Variants in GCA observed in about 807,000 individuals in gnomAD.
GCA encodes the protein grancalcin, EF-hand calcium-binding protein.
Under a neutral mutation model 32.6 loss-of-function variants are expected in GCA, and 30 were observed. That is an observed-to-expected ratio of 0.92 (90% CI 0.69 to 1.25). The LOEUF (loss-of-function observed/expected upper bound fraction) is 1.25, where lower values mean the gene tolerates loss of function less well. GCA is among the 50% of genes most tolerant of loss of function. GCA has a pLI of 0.00. For missense variants in GCA, 291 were observed against 266.8 expected (o/e 1.09, Z -0.63); for synonymous variants, 102 against 84.6 (o/e 1.21, Z -1.13).
intron 5 of GCA, among the ~76,000 whole-genome samples, chr2:162,357,578 T>A (rs1004968149): frequency 6.6e-6 from 1 of 151,802 alleles, no homozygotes; most frequent in Non-Finnish European, 1.5e-5. Context: ...GAAGTTAAAA[T>A]CTGAACCCAA....
chr2:162,357,975 T>A (rs184369456), intron 5 of GCA, among the ~76,000 whole-genome samples: 1 of 151,832 alleles, frequency 6.6e-6, no homozygotes, highest in East Asian at 1.9e-4. Flanking sequence ...CTCTCTAATA[T>A]GAAGTTCAAA....
At chr2:162,370,828 A>G (rs1685907095) in intron 4 of GCA, among the ~76,000 whole-genome samples, 1 of 152,014 alleles carries the variant, frequency 6.6e-6, no homozygotes, top group South Asian at 2.1e-4. Context: ...CAGTGGTGTG[A>G]TCAAGGCCTG....
chr2:162,356,987 A>G, intron 5 of GCA, 82 bp downstream of exon 5: 2 of 990,252 alleles, frequency 2.0e-6, no homozygotes, highest in South Asian at 3.8e-5. Context: ...TCAATTTACT[A>G]ACTAATAAAG....
rs543908859 is a variant in GCA at position 162,362,915 on chromosome 2, T to G, written c.*2672T>G. 2.3e-4 allele frequency among the ~76,000 whole-genome samples: 35 copies of G among 151,448 alleles called. No homozygotes were observed. Among genetic ancestry groups the G allele is most frequent in the Non-Finnish European group, 4.7e-4 (32 of 67,494 alleles). On this transcript the variant is annotated 3_prime_UTR_variant, in exon 8 of 8. Coordinates refer to ENST00000437150, the MANE Select transcript of GCA (RefSeq NM_012198.5). ...ATCCAGAAAAAAGTAACAAAAAATG[T>G]AGTCAAGTTATGTTTATTTCCAAAA... is the stretch of plus-strand genomic sequence containing the variant.
chr2:162,327,230 CA>C (rs35274524), intron 1 of GCA, among the ~76,000 whole-genome samples: 2 of 151,940 alleles, frequency 1.3e-5, no homozygotes, highest in Non-Finnish European at 2.9e-5. Flanking sequence ...AGTTTGGGAC[CA>C]AAAAGGTATG....
At chr2:162,365,160 C>A (rs1685711768), downstream of GCA, among the ~76,000 whole-genome samples, 2 of 151,538 alleles carry the variant, frequency 1.3e-5, no homozygotes, top group South Asian at 2.1e-4. Flanking sequence ...GATTTACTTT[C>A]TTTTTCCCCA....
intron 1 of GCA, among the ~76,000 whole-genome samples, chr2:162,338,677 G>A (rs929330558): frequency 3.9e-5 from 6 of 152,070 alleles, no homozygotes; most frequent in Admixed American, 3.3e-4. Context: ...TCATAAGCAC[G>A]CAACTTGGAT....
At position 162,362,202 on chromosome 2, in the gene GCA, G is replaced by C; in HGVS notation, c.*1959G>C. On this transcript the variant is annotated 3_prime_UTR_variant, in exon 8 of 8. Transcript: ENST00000437150. ...TGAAACCCCAAGGTTAATAAAATCAGTCATGTTTAATTTTATTTGACCCAG... is the reference window on the plus strand; with the variant it reads ...TGAAACCCCAAGGTTAATAAAATCACTCATGTTTAATTTTATTTGACCCAG... 2.0e-6 allele frequency: 2 copies of C among 983,746 alleles called. No individual in the cohort carries two copies. Among genetic ancestry groups the C allele is most frequent in the South Asian group, 9.4e-5 (2 of 21,272 alleles). 60.9% of individuals were successfully genotyped at this position (983,746 alleles called of 1,614,324 possible). A position where few individuals can be genotyped will look rare whatever the true frequency, so the allele number is the denominator to read the frequency against.
intron 2 of GCA, among the ~76,000 whole-genome samples, chr2:162,349,437 A>G (rs1468251919): frequency 1.3e-5 from 2 of 151,802 alleles, no homozygotes; most frequent in Non-Finnish European, 2.9e-5. Context: ...GTTTTTGTCT[A>G]CAAAACTTCT....
chr2:162,372,211 T>C, downstream of GCA: 1 of 833,658 alleles, frequency 1.2e-6, no homozygotes, highest in Admixed American at 2.8e-5. Flanking sequence ...ATTTGATTAG[T>C]GATATTAGCC....
chr2:162,356,997 G>T, intron 5 of GCA, 92 bp downstream of exon 5: 1 of 894,180 alleles, frequency 1.1e-6, no homozygotes, highest in East Asian at 2.5e-5. Flanking sequence ...AACTAATAAA[G>T]GGATGTATTT....
downstream of GCA, among the ~76,000 whole-genome samples, chr2:162,367,162 T>C (rs1280428015): frequency 6.6e-6 from 1 of 151,896 alleles, no homozygotes; most frequent in African/African-American, 2.4e-5. Context: ...ACTCTGGGTT[T>C]GTCCCAAGAA....
At chr2:162,319,843 A>G (rs970320544) in intron 1 of GCA, among the ~76,000 whole-genome samples, 1 of 152,264 alleles carries the variant, frequency 6.6e-6, no homozygotes, top group African/African-American at 2.4e-5. Context: ...AGTACATTCA[A>G]TAAAGTCTGT....
chr2:162,348,111 C>T (rs573754637), intron 2 of GCA, among the ~76,000 whole-genome samples: 14 of 152,226 alleles, frequency 9.2e-5, no homozygotes, highest in Non-Finnish European at 1.8e-4. Context: ...TATAATTTTT[C>T]TGTCACTTAA....
chr2:162,335,240 C>T (rs1031978494), intron 1 of GCA, among the ~76,000 whole-genome samples: 7 of 152,026 alleles, frequency 4.6e-5, no homozygotes, highest in Admixed American at 1.3e-4. Flanking sequence ...AGTGAAACCT[C>T]GTCTCTACTA....
chr2:162,350,194 A>G (rs1157656726), intron 2 of GCA, among the ~76,000 whole-genome samples: 1 of 152,164 alleles, frequency 6.6e-6, no homozygotes, highest in African/African-American at 2.4e-5. Context: ...CAAATGAAAA[A>G]AGCCTTACTG....
Position 162,331,345 on chromosome 2 carries a change from G to T in GCA, c.-31+12120G>T, listed in dbSNP as rs533380210. The stretch of plus-strand genomic sequence containing the variant: ...TTGATTATTTAGGGGTTACAAATAA[G>T]TATCAGCAAGTAACTGAATTCACAC... On this transcript the variant is annotated intron_variant, in intron 1 of 4. Transcript: ENST00000429691. Among the ~76,000 whole-genome samples, 10 of 152,272 alleles carry T rather than the reference G, an allele frequency of 6.6e-5. No individual in the cohort carries two copies. In the South Asian group the frequency reaches 1.5e-3, roughly 22 times the overall value.
intron 3 of GCA, 41 bp downstream of exon 3, chr2:162,352,448 A>G: frequency 8.5e-7 from 1 of 1,178,514 alleles, no homozygotes; most frequent in Non-Finnish European, 1.3e-6. Flanking sequence ...TATAATAGGA[A>G]GTTTATTTTC....
intron 7 of GCA, among the ~76,000 whole-genome samples, chr2:162,359,961 C>A (rs1685490739): frequency 6.6e-6 from 1 of 151,054 alleles, no homozygotes; most frequent in Admixed American, 6.6e-5. Flanking sequence ...ACCTGATATT[C>A]AGGGTTTTTT....
Sources: gnomAD v4.1 joint callset for allele counts (sites outside exome capture counted in the v4.1 genomes callset) on GRCh38, gnomAD v4.1.1 for gene constraint, MANE v1.5 for transcripts, NCBI Gene and HGNC (gene_info 2026-07-23, HGNC 2026-07-21) for gene names.